Variants in RNF214 observed in about 807,000 individuals in gnomAD.
RNF214 encodes ring finger protein 214.
A neutral mutation model predicts 75.9 loss-of-function variants in RNF214; 25 were observed. The ratio of observed to expected loss-of-function variants is 0.33; its 90% CI spans 0.24 to 0.46. RNF214 has a LOEUF of 0.46. Among genes scored for constraint, RNF214 ranks in the 20% least tolerant of loss-of-function variants. RNF214 has a pLI of 1.00. For synonymous variants in RNF214, 314 were observed against 308.8 expected (o/e 1.02, Z -0.18); for missense variants, 725 against 857.5 (o/e 0.85, Z 1.93).
At chr11:117,277,000 G>A (rs1338097632) in intron 6 of RNF214, among the ~76,000 whole-genome samples, 1 of 152,184 alleles carries the variant, frequency 6.6e-6, no homozygotes, top group Admixed American at 6.5e-5. Flanking sequence ...GGAACTGAGG[G>A]AATATGTGTT....
chr11:117,277,392 G>A (rs2034034542), intron 6 of RNF214, among the ~76,000 whole-genome samples: 1 of 152,096 alleles, frequency 6.6e-6, no homozygotes, highest in Non-Finnish European at 1.5e-5. Context: ...AGCAATACCT[G>A]GAGATTAAGG....
intron 6 of RNF214, among the ~76,000 whole-genome samples, chr11:117,275,619 A>G (rs1289850533): frequency 6.6e-6 from 1 of 152,232 alleles, no homozygotes; most frequent in Admixed American, 6.5e-5. Context: ...ACATATATGT[A>G]TACAAACCAG....
At chr11:117,268,150 T>C (rs987517720) in intron 6 of RNF214, among the ~76,000 whole-genome samples, 1 of 152,212 alleles carries the variant, frequency 6.6e-6, no homozygotes, top group African/African-American at 2.4e-5. Flanking sequence ...AACTTTATTA[T>C]GGTAATTGGG....
At chr11:117,240,870 C>T (rs1025278590) in intron 4 of RNF214, among the ~76,000 whole-genome samples, 11 of 151,856 alleles carry the variant, frequency 7.2e-5, no homozygotes, top group South Asian at 2.1e-4. Flanking sequence ...GGTGAAACCT[C>T]GTCCCTACTA....
At chr11:117,246,754 GA>G (rs761810285) in intron 5 of RNF214, 54 bp from the exon 6 acceptor site, 18 of 1,450,838 alleles carry the variant, frequency 1.2e-5, no homozygotes, top group Non-Finnish European at 1.6e-5. Flanking sequence ...TGCATCAAAA[GA>G]ACTAACTTAT....
rs754052074 is a variant in RNF214, at chr11:117,282,174, G to A, written c.1616G>A (p.Gly539Asp). 14 of 1,614,012 alleles carry A rather than the reference G, an allele frequency of 8.7e-6. 1 individual carries two copies. The highest frequency in any genetic ancestry group is 3.3e-4 in the Middle Eastern group (2 of 6,060). Residue 539 changes from glycine to aspartate, a missense_variant, in exon 11 of 15, where the codon GGT becomes GAT. Gly to Asp is a moderately conservative substitution (Grantham distance 94, BLOSUM62 -1). Around this residue, in one of 2 missense-constraint regions of RNF214, gnomAD observed 363 missense variants for 513.0 expected, o/e 0.71. Transcript: ENST00000300650. ...ASIPPPPGLG[G>D]VKASAETPRP... ...ATCCCACCTCCCCCAGGCTTGGGCG[G>A]TGTTAAGGCTTCTGCTGAAACTCCC...
chr11:117,265,606 G>C (rs954099161), intron 6 of RNF214, among the ~76,000 whole-genome samples: 1 of 151,990 alleles, frequency 6.6e-6, no homozygotes, highest in Non-Finnish European at 1.5e-5. Context: ...GTAGAAATAG[G>C]GTTTCACCAT....
At chr11:117,277,207 G>A (rs2034031131) in intron 6 of RNF214, among the ~76,000 whole-genome samples, 1 of 152,066 alleles carries the variant, frequency 6.6e-6, no homozygotes, top group African/African-American at 2.4e-5. Context: ...GCCAGATGTG[G>A]TGGTACGCAT....
chr11:117,282,582 G>A, intron 12 of RNF214, 46 bp downstream of exon 12: 1 of 1,603,646 alleles, frequency 6.2e-7, no homozygotes. Flanking sequence ...TTGAGGGCTG[G>A]GGAAGAGGTA....
Position 117,239,913 on chromosome 11 carries a change from T to C in RNF214, c.678+53T>C, listed in dbSNP as rs374915887. 5 of 946,636 alleles carry C rather than the reference T, an allele frequency of 5.3e-6. No individual in the cohort carries two copies. In the East Asian group the frequency reaches 1.2e-4, roughly 23 times the overall value. 58.6% of individuals were successfully genotyped at this position (946,636 alleles called of 1,614,324 possible). On this transcript the variant is annotated intron_variant, in intron 4 of 14. Transcript: ENST00000300650. ...TGAAGCCATTATCAAATAGAAGATC[T>C]AGAGGCATATCATCTCAGTTGGAAA...
chr11:117,280,662 C>G (rs638270), intron 8 of RNF214, among the ~76,000 whole-genome samples: 18,502 of 151,906 alleles, frequency 0.12, 1,108 homozygotes, highest in Middle Eastern at 0.15. Flanking sequence ...ACAGTGAGAC[C>G]CTGTCTCTAA....
chr11:117,245,233 C>T (rs901365132), intron 5 of RNF214, among the ~76,000 whole-genome samples: 11 of 150,498 alleles, frequency 7.3e-5, no homozygotes, highest in Admixed American at 2.0e-4. Context: ...GTGGGAGGAT[C>T]GCTTAAACCC....
In RNF214 at chr11:117,276,193, T is replaced by TA. The variant is rs202229522; in HGVS notation, c.960-3707dup. Among the ~76,000 whole-genome samples, 890 of 151,788 alleles carry TA rather than the reference T, an allele frequency of 5.9e-3. 7 individuals are homozygous for TA. Among genetic ancestry groups the TA allele is most frequent in the African/African-American group, 0.019 (807 of 41,394 alleles). Reference sequence around the variant, plus strand: ...GATAAAATCCTGTATCCCTTTGTGGTAAAAAAAACCCTCAACAAATTAGGC... The same window carrying TA: ...GATAAAATCCTGTATCCCTTTGTGGTAAAAAAAAACCCTCAACAAATTAGGC... On this transcript the variant is annotated intron_variant, in intron 6 of 14. Coordinates refer to ENST00000300650, the MANE Select transcript of RNF214 (RefSeq NM_207343.4).
At position 117,258,139 on chromosome 11, in the gene RNF214, G is replaced by T. The variant is rs527615342; in HGVS notation, c.959+11191G>T. On this transcript the variant is annotated intron_variant, in intron 6 of 14. Coordinates refer to ENST00000300650, the MANE Select transcript of RNF214 (RefSeq NM_207343.4). ...TCTCGCTCTGTCGCCAGGCTGGAGC[G>T]CTCACTGCAACCTTTGCCTTCCAGG... 8.2e-4 allele frequency among the ~76,000 whole-genome samples: 124 copies of T among 151,064 alleles called. 1 individual carries two copies. The highest frequency in any genetic ancestry group is 2.9e-3 in the African/African-American group (119 of 41,090).
At chr11:117,280,867 G>A (rs2034113159) in intron 8 of RNF214, among the ~76,000 whole-genome samples, 1 of 151,986 alleles carries the variant, frequency 6.6e-6, no homozygotes, top group Middle Eastern at 3.4e-3. Flanking sequence ...TGGAGTTAAA[G>A]TGAGGCAAAG....
intron 6 of RNF214, among the ~76,000 whole-genome samples, chr11:117,267,308 C>T (rs190918637): frequency 6.6e-6 from 1 of 152,200 alleles, no homozygotes; most frequent in East Asian, 1.9e-4. Context: ...GAAATCTTTG[C>T]CCAACCCAAG....
At position 117,244,526 on chromosome 11, in the gene RNF214, C is replaced by T. The variant is rs1488315045; in HGVS notation, c.760C>T (p.Leu254Phe). ...CAAACAGAGGCAAGTGGAGAATCAG[C>T]TCCAAGTGCAATTAAAGCAGCTTCA... ...LDKQRQVENQ[L>F]QVQLKQLQQR... Residue 254 changes from leucine to phenylalanine, a missense_variant, in exon 5 of 15, where the codon CTC becomes TTC. Leu to Phe is a conservative substitution (Grantham distance 22). Coordinates refer to ENST00000300650, the MANE Select transcript of RNF214 (RefSeq NM_207343.4). The T allele has an allele frequency of 5.0e-6, 8 of 1,612,790 alleles. No individual in the cohort carries two copies. The highest frequency in any genetic ancestry group is 1.7e-5 in the Admixed American group (1 of 59,852).
rs576198329 is a variant in RNF214 at position 117,279,189 on chromosome 11, A to G, written c.960-719A>G. ...CTAAAAGACATGTTGGGAAATAAGA[A>G]TGCAGAATGCCATAATGGTTTTGAA... On this transcript the variant is annotated intron_variant, in intron 6 of 14. Coordinates refer to ENST00000300650, the MANE Select transcript of RNF214 (RefSeq NM_207343.4). Among the ~76,000 whole-genome samples, 26 of 152,354 alleles carry G rather than the reference A, an allele frequency of 1.7e-4. 2 individuals are homozygous for G. Among genetic ancestry groups the G allele is most frequent in the African/African-American group, 6.3e-4 (26 of 41,596 alleles).
Position 117,239,793 on chromosome 11 carries a change from C to T in RNF214, c.619-8C>T, listed in dbSNP as rs1375454480. 11 of 1,495,186 alleles carry T rather than the reference C, an allele frequency of 7.4e-6. No homozygotes were observed. Among genetic ancestry groups the T allele is most frequent in the Non-Finnish European group, 1.0e-5 (11 of 1,072,864 alleles). 92.6% of individuals were successfully genotyped at this position (1,495,186 alleles called of 1,614,324 possible). A position where few individuals can be genotyped will look rare whatever the true frequency, so the allele number is the denominator to read the frequency against. The stretch of plus-strand genomic sequence containing the variant: ...AACGATTCTAAATATAACTTTTTTC[C>T]TTTATAGACTGACTTTAAGACAGCT... On this transcript the variant is annotated splice_region_variant and splice_polypyrimidine_tract_variant and intron_variant, in intron 3 of 14. Coordinates refer to ENST00000300650, the MANE Select transcript of RNF214 (RefSeq NM_207343.4).
Sources: allele counts gnomAD v4.1 joint callset (sites outside exome capture counted in the v4.1 genomes callset), GRCh38; gene constraint gnomAD v4.1.1; regional missense constraint gnomAD v4.1.1; transcripts MANE v1.5; gene names NCBI Gene and HGNC (gene_info 2026-07-23, HGNC 2026-07-21).